The following MSRB2 variants were observed in gnomAD, a reference collection of about 807,000 sequenced individuals.
MSRB2 encodes methionine sulfoxide reductase B2, also known as methionine-R-sulfoxide reductase B2, mitochondrial.
In MSRB2, 17 loss-of-function variants were observed where a neutral mutation model predicts 19.0. The observed-to-expected ratio is 0.89, with a 90% confidence interval of 0.61 to 1.34. The LOEUF (loss-of-function observed/expected upper bound fraction) is 1.34. Among genes scored for constraint, MSRB2 ranks in the 40% most tolerant of loss-of-function variants. The probability of loss-of-function intolerance (pLI) is 0.00; values close to 1 mark genes in which losing one functional copy is unlikely to be tolerated. For synonymous variants in MSRB2, 107 were observed against 99.7 expected (o/e 1.07, Z -0.44); for missense variants, 208 against 237.6 (o/e 0.88, Z 0.82).
intron 3 of MSRB2, among the ~76,000 whole-genome samples, chr10:23,115,239 C>T (rs1452838714): frequency 6.6e-6 from 1 of 152,176 alleles, no homozygotes; most frequent in Non-Finnish European, 1.5e-5. Context: ...TGACATTGCC[C>T]ATCACTGCCA....
chr10:23,101,898 A>G (rs754362418), intron 1 of MSRB2, among the ~76,000 whole-genome samples: 2 of 152,204 alleles, frequency 1.3e-5, no homozygotes, highest in Non-Finnish European at 2.9e-5. Flanking sequence ...AAGACCCCTC[A>G]TCCGGATCCC....
intron 2 of MSRB2, among the ~76,000 whole-genome samples, chr10:23,109,082 C>G (rs1840016308): frequency 6.6e-6 from 1 of 152,188 alleles, no homozygotes; most frequent in Non-Finnish European, 1.5e-5. Flanking sequence ...AGCTTTGTCA[C>G]TTGGTGAGCT....
chr10:23,095,746 G>A lies in MSRB2; in HGVS notation c.118+20G>A. The A allele has an allele frequency of 8.1e-7, 1 of 1,232,922 alleles. No individual in the cohort carries two copies. The highest frequency in any genetic ancestry group is 1.0e-6 in the Non-Finnish European group (1 of 984,438). 76.4% of individuals were successfully genotyped at this position (1,232,922 alleles called of 1,614,324 possible). A position where few individuals can be genotyped will look rare whatever the true frequency, so the allele number is the denominator to read the frequency against. The stretch of plus-strand genomic sequence containing the variant: ...AGGCAGGTAGGACGCGGGTCCCGCA[G>A]GCCCCGCCGCCGCCTACGGCTTTCG... On this transcript the variant is annotated intron_variant, in intron 1 of 4. Coordinates refer to ENST00000376510, the MANE Select transcript of MSRB2 (RefSeq NM_012228.4).
At chr10:23,111,515 TCA>T (rs1304532608) in intron 3 of MSRB2, among the ~76,000 whole-genome samples, 2 of 152,206 alleles carry the variant, frequency 1.3e-5, no homozygotes, top group South Asian at 2.1e-4. Flanking sequence ...TTCTCTTAAA[TCA>T]CAGTCTTCAC....
At chr10:23,098,260 G>T (rs1372289999) in intron 1 of MSRB2, among the ~76,000 whole-genome samples, 1 of 152,102 alleles carries the variant, frequency 6.6e-6, no homozygotes, top group Non-Finnish European at 1.5e-5. Flanking sequence ...GTGACAATTG[G>T]CAGTATAGCA....
chr10:23,104,341 A>C, intron 2 of MSRB2, 97 bp downstream of exon 2: 1 of 839,828 alleles, frequency 1.2e-6, no homozygotes. Context: ...GCCCAGCAAC[A>C]CTCCACAGGC....
intron 1 of MSRB2, among the ~76,000 whole-genome samples, chr10:23,103,591 G>C (rs1448946029): frequency 6.6e-6 from 1 of 152,170 alleles, no homozygotes; most frequent in African/African-American, 2.4e-5. Flanking sequence ...TGGTAGGTCT[G>C]TTTCTCTTTC....
intron 2 of MSRB2, among the ~76,000 whole-genome samples, chr10:23,109,315 C>T (rs184296311): frequency 6.6e-5 from 10 of 152,178 alleles, no homozygotes; most frequent in Admixed American, 1.3e-4. Context: ...TTTGAGAGGC[C>T]AAGACATGCA....
intron 2 of MSRB2, among the ~76,000 whole-genome samples, chr10:23,105,364 CCTACTCTG>C (rs1437541499): frequency 1.3e-5 from 2 of 152,140 alleles, no homozygotes; most frequent in Admixed American, 1.3e-4. Context: ...GTGTCATCCT[CCTACTCTG>C]CCATCAAACA....
At chr10:23,098,311 C>G (rs1839889024) in intron 1 of MSRB2, among the ~76,000 whole-genome samples, 1 of 152,084 alleles carries the variant, frequency 6.6e-6, no homozygotes. Flanking sequence ...AGGAGGCACC[C>G]AGTAGGTGAC....
chr10:23,116,175 A>G lies in MSRB2; in HGVS notation c.297-3129A>G, dbSNP rs533226654. Among the ~76,000 whole-genome samples the G allele has an allele frequency of 1.2e-4, 19 of 152,218 alleles. No homozygotes were observed. In the South Asian group the frequency reaches 3.9e-3, roughly 32 times the overall value. On this transcript the variant is annotated intron_variant, in intron 3 of 4. Transcript: ENST00000376510. Reference sequence around the variant, plus strand: ...GGTACTATGCTAAGCACACACACAGAAAGTGAGGTGATAATGCCATTGCTA... The same window carrying G: ...GGTACTATGCTAAGCACACACACAGGAAGTGAGGTGATAATGCCATTGCTA...
At position 23,104,242 on chromosome 10, in the gene MSRB2, C is replaced by T; in HGVS notation, c.217C>T (p.Pro73Ser). The T allele has an allele frequency of 3.1e-6, 5 of 1,612,092 alleles. No individual in the cohort carries two copies. The highest frequency in any genetic ancestry group is 4.2e-6 in the Non-Finnish European group (5 of 1,179,274). Residue 73 changes from proline (P) to serine (S), a missense_variant and splice_region_variant, in exon 2 of 5, where the codon CCG becomes TCG. Coordinates refer to ENST00000376510, the MANE Select transcript of MSRB2 (RefSeq NM_012228.4). The stretch of plus-strand genomic sequence containing the variant: ...CGTCACAAGAGAAAAGGGAACGGAA[C>T]CGGTAAGCTAAGCTGGTTTACAGTT... ...FYVTREKGTE[P>S]PFSGIYLNNK... is the part of the protein sequence containing the mutation.
At chr10:23,117,543 A>G (rs1006406312) in intron 3 of MSRB2, among the ~76,000 whole-genome samples, 2 of 152,206 alleles carry the variant, frequency 1.3e-5, no homozygotes, top group Admixed American at 6.5e-5. Flanking sequence ...ATGTTAACAT[A>G]TAATAAATTT....
intron 3 of MSRB2, among the ~76,000 whole-genome samples, chr10:23,113,773 G>A (rs1404034466): frequency 2.6e-5 from 4 of 152,130 alleles, no homozygotes; most frequent in Non-Finnish European, 5.9e-5. Flanking sequence ...ATGTGAAAAC[G>A]GAAGCAGAGA....
At chr10:23,114,863 G>A (rs1336759462) in intron 3 of MSRB2, among the ~76,000 whole-genome samples, 2 of 152,190 alleles carry the variant, frequency 1.3e-5, no homozygotes, top group African/African-American at 4.8e-5. Flanking sequence ...TTCACTAGCT[G>A]AGCTTCCATT....
intron 1 of MSRB2, among the ~76,000 whole-genome samples, chr10:23,097,017 T>C (rs1839876607): frequency 6.6e-6 from 1 of 152,232 alleles, no homozygotes; most frequent in Admixed American, 6.5e-5. Context: ...AGGAGCTGTG[T>C]ACCTTATCAG....
At chr10:23,119,535 T>A in intron 4 of MSRB2, 84 bp downstream of exon 4, 1 of 1,502,460 alleles carries the variant, frequency 6.7e-7, no homozygotes, top group Non-Finnish European at 9.0e-7. Flanking sequence ...AAATCTGGTG[T>A]CCTTTTATAG....
chr10:23,118,909 T>C, intron 3 of MSRB2: 1 of 390,954 alleles, frequency 2.6e-6, no homozygotes, highest in South Asian at 1.9e-5. Flanking sequence ...ACTTCTGCGC[T>C]GCTCTAAGAT....
intron 2 of MSRB2, among the ~76,000 whole-genome samples, chr10:23,108,019 G>C (rs937300560): frequency 6.6e-6 from 1 of 151,182 alleles, no homozygotes; most frequent in Non-Finnish European, 1.5e-5. Context: ...AGAGTGCAAT[G>C]GTGCAATCTT....
Sources: allele counts gnomAD v4.1 joint callset (sites outside exome capture counted in the v4.1 genomes callset), GRCh38; gene constraint gnomAD v4.1.1; transcripts MANE v1.5; gene names NCBI Gene and HGNC (gene_info 2026-07-23, HGNC 2026-07-21).